The following IARS1 variants were observed in gnomAD, a reference collection of about 807,000 sequenced individuals.
IARS1 encodes isoleucyl-tRNA synthetase 1.
In IARS1, 124 loss-of-function variants were observed where a neutral mutation model predicts 168.2. The ratio of observed to expected loss-of-function variants is 0.74; its 90% CI spans 0.64 to 0.86. IARS1 has a LOEUF of 0.86. Among genes scored for constraint, IARS1 ranks in the 40% least tolerant of loss-of-function variants. The probability of loss-of-function intolerance (pLI) is 0.00; values close to 1 mark genes in which losing one functional copy is unlikely to be tolerated. For synonymous variants in IARS1, 532 were observed against 529.4 expected (o/e 1.00, Z -0.07); for missense variants, 1,452 against 1,515.8 (o/e 0.96, Z 0.70).
In IARS1 at chr9:92,250,546, G is replaced by A. The variant is rs905886367; in HGVS notation, c.2429+167C>T. ...TTCCACACCAAGCATCCTTGCTACC[G>A]TGTACCAAAGTGGGCCCCATCCTGC... On this transcript the variant is annotated intron_variant, in intron 23 of 33. Coordinates refer to ENST00000443024, the MANE Select transcript of IARS1 (RefSeq NM_002161.6). Among the ~76,000 whole-genome samples the A allele has an allele frequency of 7.2e-5, 11 of 152,180 alleles. No individual in the cohort carries two copies. The East Asian group carries it at 7.7e-4, about 11-fold the overall frequency.
intron 26 of IARS1, among the ~76,000 whole-genome samples, chr9:92,246,363 C>T (rs1829198147): frequency 6.6e-6 from 1 of 152,192 alleles, no homozygotes; most frequent in East Asian, 1.9e-4. Context: ...ACAGCTTGTG[C>T]CCCAGGATAG....
chr9:92,243,505 G>A (rs1828749523), intron 27 of IARS1, 194 bp from the exon 28 acceptor site: 1 of 477,716 alleles, frequency 2.1e-6, no homozygotes, highest in East Asian at 3.7e-5. Context: ...CTCTGTCTCT[G>A]GAGAAAGGTG....
chr9:92,268,112 C>A, intron 14 of IARS1, 62 bp downstream of exon 14: 2 of 1,499,154 alleles, frequency 1.3e-6, no homozygotes, highest in Middle Eastern at 1.8e-4. Flanking sequence ...AAACCACATT[C>A]AGATTTCATG....
At chr9:92,267,144 G>A (rs1564179510) in intron 14 of IARS1, among the ~76,000 whole-genome samples, 1 of 152,194 alleles carries the variant, frequency 6.6e-6, no homozygotes, top group Non-Finnish European at 1.5e-5. Flanking sequence ...ATTATATCCA[G>A]GTAAAGAGCT....
intron 33 of IARS1, among the ~76,000 whole-genome samples, chr9:92,215,043 C>A (rs1219726199): frequency 6.6e-6 from 1 of 152,148 alleles, no homozygotes; most frequent in Non-Finnish European, 1.5e-5. Context: ...TTGAAGAGAG[C>A]AGTGGTTCTC....
At chr9:92,288,059 T>C in intron 3 of IARS1, 67 bp downstream of exon 3, 2 of 1,543,022 alleles carry the variant, frequency 1.3e-6, no homozygotes, top group Non-Finnish European at 1.8e-6. Flanking sequence ...CTTGAACATA[T>C]TATATGACAA....
chr9:92,244,841 T>C, intron 27 of IARS1, 118 bp downstream of exon 27: 1 of 708,406 alleles, frequency 1.4e-6, no homozygotes, highest in South Asian at 1.8e-5. Context: ...ACCAAGTAAC[T>C]GGTTTATTTT....
chr9:92,288,091 A>T (rs539827760), intron 3 of IARS1, 35 bp downstream of exon 3: 30 of 1,588,684 alleles, frequency 1.9e-5, no homozygotes, highest in Non-Finnish European at 2.6e-5. Context: ...TATAAAAAAA[A>T]TCAGAAAATT....
intron 30 of IARS1, among the ~76,000 whole-genome samples, chr9:92,236,226 C>G (rs1827502718): frequency 1.3e-5 from 2 of 152,178 alleles, no homozygotes; most frequent in South Asian, 4.1e-4. Context: ...TCAGGTGACC[C>G]ACCCGCCTTG....
chr9:92,247,894 G>A (rs1829458299), intron 25 of IARS1, among the ~76,000 whole-genome samples: 1 of 152,372 alleles, frequency 6.6e-6, no homozygotes, highest in South Asian at 2.1e-4. Context: ...GTGGATGCCA[G>A]GAAATGGTCA....
intron 26 of IARS1, among the ~76,000 whole-genome samples, chr9:92,245,370 C>T (rs542188346): frequency 1.3e-5 from 2 of 152,184 alleles, no homozygotes; most frequent in Non-Finnish European, 2.9e-5. Context: ...GCAACAAATG[C>T]TCACCATAAA....
chr9:92,214,580 G>T (rs1004409976), intron 33 of IARS1, among the ~76,000 whole-genome samples: 1 of 151,700 alleles, frequency 6.6e-6, no homozygotes, highest in East Asian at 1.9e-4. Flanking sequence ...TGCGCGAGCC[G>T]AAGCAGGGCG....
intron 19 of IARS1, among the ~76,000 whole-genome samples, chr9:92,257,079 A>G (rs1029187388): frequency 6.6e-6 from 1 of 151,900 alleles, no homozygotes; most frequent in African/African-American, 2.4e-5. Flanking sequence ...AGATATTCTA[A>G]AATCTTGTCA....
intron 30 of IARS1, among the ~76,000 whole-genome samples, chr9:92,238,771 T>C (rs1362731143): frequency 6.6e-6 from 1 of 152,220 alleles, no homozygotes; most frequent in Admixed American, 6.5e-5. Flanking sequence ...TAAACATAAC[T>C]TCCTAAGGTC....
At chr9:92,233,687 AG>A (rs1827057482) in intron 30 of IARS1, among the ~76,000 whole-genome samples, 2 of 152,196 alleles carry the variant, frequency 1.3e-5, no homozygotes, top group Admixed American at 6.5e-5. Context: ...CCACTTACTT[AG>A]ATTTTGTCTG....
chr9:92,257,249 C>T (rs947350979), intron 19 of IARS1, among the ~76,000 whole-genome samples: 3 of 152,182 alleles, frequency 2.0e-5, no homozygotes, highest in Admixed American at 6.5e-5. Flanking sequence ...ACTCTTTTTG[C>T]TTTGCAAAAT....
At chr9:92,282,858 A>G (rs543150577) in intron 6 of IARS1, among the ~76,000 whole-genome samples, 1 of 141,118 alleles carries the variant, frequency 7.1e-6, no homozygotes, top group Non-Finnish European at 1.5e-5. Flanking sequence ...ATATATATAT[A>G]TATTTTTTTT....
chr9:92,275,537 G>T (rs547532983), intron 9 of IARS1, among the ~76,000 whole-genome samples: 1 of 152,216 alleles, frequency 6.6e-6, no homozygotes, highest in Non-Finnish European at 1.5e-5. Flanking sequence ...TATGATAGGT[G>T]CTAAAACTTC....
At chr9:92,282,839 CAT>C (rs772428704) in intron 6 of IARS1, among the ~76,000 whole-genome samples, 2,539 of 142,140 alleles carry the variant, frequency 0.018, 52 homozygotes, top group African/African-American at 0.049. Context: ...CATACACACA[CAT>C]ATATATATAT....
Sources: allele counts gnomAD v4.1 joint callset (sites outside exome capture counted in the v4.1 genomes callset), GRCh38; gene constraint gnomAD v4.1.1; transcripts MANE v1.5; gene names NCBI Gene and HGNC (gene_info 2026-07-23, HGNC 2026-07-21).